The following EYA4 variants were observed in gnomAD, a reference collection of about 807,000 sequenced individuals.
EYA4 encodes protein phosphatase EYA4.
EYA4 carries 31 observed loss-of-function variants against 87.9 expected under a neutral mutation model. The observed-to-expected ratio is 0.35, with a 90% CI of 0.27 to 0.48. The LOEUF (loss-of-function observed/expected upper bound fraction) is 0.48. EYA4 is among the 20% of genes least tolerant of loss of function. EYA4 has a pLI of 0.99. For synonymous variants in EYA4, 263 were observed against 270.6 expected, an observed-to-expected ratio of 0.97 and a Z score of 0.28; for missense variants, 678 against 761.4, an observed-to-expected ratio of 0.89 and a Z score of 1.29.
intron 2 of EYA4, among the ~76,000 whole-genome samples, chr6:133,322,211 C>T (rs12527741): frequency 0.58 from 88,438 of 151,892 alleles, 26,384 homozygotes; most frequent in Middle Eastern, 0.67. Context: ...ATATTCACAC[C>T]CAGATACCTT....
intron 10 of EYA4, among the ~76,000 whole-genome samples, chr6:133,466,362 C>G (rs934056578): frequency 4.6e-5 from 7 of 152,180 alleles, no homozygotes; most frequent in Middle Eastern, 3.4e-3. Context: ...AAAATGTAAT[C>G]TGTATTTGGG....
At chr6:133,334,542 C>A (rs1782221489) in intron 2 of EYA4, among the ~76,000 whole-genome samples, 1 of 152,140 alleles carries the variant, frequency 6.6e-6, no homozygotes, top group East Asian at 1.9e-4. Context: ...TATTTTCCTG[C>A]TACCATGTGT....
chr6:133,284,802 G>C (rs1357052285), intron 2 of EYA4, among the ~76,000 whole-genome samples: 1 of 152,144 alleles, frequency 6.6e-6, no homozygotes, highest in African/African-American at 2.4e-5. Context: ...ATACTTGGTG[G>C]ACAAAATGGA....
intron 2 of EYA4, among the ~76,000 whole-genome samples, chr6:133,331,087 C>T (rs535046802): frequency 2.7e-4 from 39 of 145,932 alleles, no homozygotes; most frequent in Admixed American, 7.1e-4. Context: ...TAATATATCC[C>T]GCCTCATACT....
intron 3 of EYA4, among the ~76,000 whole-genome samples, chr6:133,421,490 T>G (rs896432693): frequency 1.3e-5 from 2 of 152,212 alleles, no homozygotes; most frequent in African/African-American, 4.8e-5. Context: ...ATGATATGTC[T>G]TATTTAGCAT....
chr6:133,316,762 G>A (rs1464963725), intron 2 of EYA4, among the ~76,000 whole-genome samples: 3 of 152,120 alleles, frequency 2.0e-5, no homozygotes, highest in African/African-American at 7.2e-5. Flanking sequence ...ATCTGGCATG[G>A]CCTTCTTTTT....
Position 133,478,958 on chromosome 6 carries a change from C to T in EYA4, c.971-2505C>T, listed in dbSNP as rs917594298. Among the ~76,000 whole-genome samples the T allele has an allele frequency of 2.0e-5, 3 of 152,212 alleles. No individual in the cohort carries two copies. The East Asian group carries it at 5.8e-4, about 29-fold the overall frequency. On this transcript the variant is annotated intron_variant, in intron 11 of 19. Coordinates refer to ENST00000355286, the MANE Select transcript of EYA4 (RefSeq NM_004100.5). ...CAAGTTTTTGTCCTTTCAGCTCTTG[C>T]ACTGTGACAAGAACAAAGTTGCCTT... is the stretch of plus-strand genomic sequence containing the variant.
chr6:133,258,846 T>C (rs1438503482), intron 1 of EYA4, among the ~76,000 whole-genome samples: 2 of 152,146 alleles, frequency 1.3e-5, no homozygotes, highest in Non-Finnish European at 2.9e-5. Flanking sequence ...GTTAGTCTTT[T>C]TTCCCCCTTC....
In EYA4 at chr6:133,464,687, A is replaced by G. The variant is rs1583352570; in HGVS notation, c.725-92A>G. The G allele has an allele frequency of 2.1e-5, 18 of 838,728 alleles. No homozygotes were observed. The East Asian group carries it at 4.5e-4, about 21-fold the overall frequency. 52.0% of individuals were successfully genotyped at this position (838,728 alleles called of 1,614,324 possible). ...TTTCACTGTCTTCACGACAAATTTCAAAGTGTTTCTCTCACAGAATTCTGC... is the reference window on the plus strand; with the variant it reads ...TTTCACTGTCTTCACGACAAATTTCGAAGTGTTTCTCTCACAGAATTCTGC... On this transcript the variant is annotated intron_variant, in intron 9 of 19. Coordinates refer to ENST00000355286, the MANE Select transcript of EYA4 (RefSeq NM_004100.5).
Position 133,531,179 on chromosome 6 carries a change from A to G in EYA4, c.*2374A>G. 6.5e-7 allele frequency: 1 copy of G among 1,535,084 alleles called. No homozygotes were observed. The highest frequency in any genetic ancestry group is 8.7e-7 in the Non-Finnish European group (1 of 1,146,750). ...TGCATCACCCCGTGCAGTTTCTCAC[A>G]CACATCTCTTTTTCTGATTCTGTGT... On this transcript the variant is annotated 3_prime_UTR_variant, in exon 20 of 20. Coordinates refer to ENST00000355286, the MANE Select transcript of EYA4 (RefSeq NM_004100.5).
At chr6:133,316,786 A>G (rs1326482701) in intron 2 of EYA4, among the ~76,000 whole-genome samples, 1 of 152,076 alleles carries the variant, frequency 6.6e-6, no homozygotes, top group Admixed American at 6.6e-5. Context: ...TGTGCATATT[A>G]GTTGAAGGTA....
intron 13 of EYA4, among the ~76,000 whole-genome samples, chr6:133,505,816 A>G (rs1054550107): frequency 3.3e-5 from 5 of 152,202 alleles, no homozygotes; most frequent in African/African-American, 1.2e-4. Flanking sequence ...ACTGGGTCAT[A>G]TGAACTAGCT....
At chr6:133,394,933 T>C (rs571572705) in intron 3 of EYA4, among the ~76,000 whole-genome samples, 1 of 152,356 alleles carries the variant, frequency 6.6e-6, no homozygotes, top group Non-Finnish European at 1.5e-5. Flanking sequence ...GTGATGATTC[T>C]CACTAGTGTT....
intron 2 of EYA4, among the ~76,000 whole-genome samples, chr6:133,306,107 T>G (rs1311444099): frequency 3.3e-5 from 5 of 152,190 alleles, no homozygotes; most frequent in African/African-American, 1.2e-4. Context: ...GTGATGCTTC[T>G]GGTTCCTTTT....
chr6:133,425,922 G>A (rs747287238), intron 3 of EYA4, among the ~76,000 whole-genome samples: 5 of 150,730 alleles, frequency 3.3e-5, no homozygotes, highest in African/African-American at 5.0e-5. Context: ...TGCTTTTCAC[G>A]CTTTCTCCCT....
chr6:133,379,221 A>T (rs1161964775), intron 2 of EYA4, among the ~76,000 whole-genome samples: 1 of 152,080 alleles, frequency 6.6e-6, no homozygotes, highest in Non-Finnish European at 1.5e-5. Context: ...GTAGTGCACC[A>T]TGATTGCACC....
chr6:133,288,198 T>G (rs1207881370), intron 2 of EYA4, among the ~76,000 whole-genome samples: 1 of 152,126 alleles, frequency 6.6e-6, no homozygotes, highest in Non-Finnish European at 1.5e-5. Context: ...GCTGTAGACA[T>G]TAAGTAAATG....
intron 2 of EYA4, among the ~76,000 whole-genome samples, chr6:133,308,245 C>T (rs1779957982): frequency 6.6e-6 from 1 of 152,122 alleles, no homozygotes; most frequent in Non-Finnish European, 1.5e-5. Context: ...ATTTAACTTT[C>T]ATGGCAATGC....
chr6:133,437,532 A>G (rs879295775), intron 3 of EYA4, among the ~76,000 whole-genome samples: 1 of 152,212 alleles, frequency 6.6e-6, no homozygotes, highest in Non-Finnish European at 1.5e-5. Context: ...GTGATAATAT[A>G]TATATGAAAA....
Sources: allele counts gnomAD v4.1 joint callset (sites outside exome capture counted in the v4.1 genomes callset), GRCh38; gene constraint gnomAD v4.1.1; transcripts MANE v1.5; gene names NCBI Gene and HGNC (gene_info 2026-07-23, HGNC 2026-07-21).